TRIM16: variants seen among roughly 807,000 people sequenced by gnomAD.
The protein encoded by TRIM16 is tripartite motif containing 16, also known as tripartite motif-containing protein 16.
Under a neutral mutation model 50.4 loss-of-function variants are expected in TRIM16, and 33 were observed. The observed-to-expected ratio is 0.65, with a 90% confidence interval of 0.50 to 0.88. The LOEUF is 0.88. Ranked by LOEUF, TRIM16 falls within the 40% of genes least tolerant of loss-of-function variation. The probability of loss-of-function intolerance (pLI) is 0.00; values close to 1 mark genes in which losing one functional copy is unlikely to be tolerated. For missense variants in TRIM16, 581 were observed against 686.8 expected, an observed-to-expected ratio of 0.85 and a Z score of 1.72; for synonymous variants, 229 against 270.7, an observed-to-expected ratio of 0.85 and a Z score of 1.51.
intron 7 of TRIM16, among the ~76,000 whole-genome samples, chr17:15,645,324 T>C (rs1185619231): frequency 6.6e-6 from 1 of 152,158 alleles, no homozygotes; most frequent in Non-Finnish European, 1.5e-5. Flanking sequence ...TCATTATTAC[T>C]CCTGCTACCA....
At chr17:15,671,521 T>C (rs1988730573) in intron 6 of TRIM16, among the ~76,000 whole-genome samples, 3 of 151,548 alleles carry the variant, frequency 2.0e-5, no homozygotes, top group African/African-American at 4.8e-5. Flanking sequence ...TGGCAAAACA[T>C]ACCCAGCAGT....
chr17:15,664,426 G>A (rs1464840479), intron 6 of TRIM16, among the ~76,000 whole-genome samples: 1 of 152,220 alleles, frequency 6.6e-6, no homozygotes, highest in Admixed American at 6.5e-5. Flanking sequence ...AAGCCAGTGG[G>A]CATGGTGGCT....
chr17:15,676,080 A>G (rs989674548), intron 6 of TRIM16, among the ~76,000 whole-genome samples: 47 of 152,202 alleles, frequency 3.1e-4, no homozygotes, highest in African/African-American at 1.0e-3. Flanking sequence ...GCCTCCAGAC[A>G]TTACCACTTA....
chr17:15,679,288 G>A (rs1411219984), intron 4 of TRIM16, among the ~76,000 whole-genome samples: 1 of 152,184 alleles, frequency 6.6e-6, no homozygotes, highest in African/African-American at 2.4e-5. Flanking sequence ...GCACCAGAAC[G>A]CTCTTTGTGT....
At chr17:15,662,198 C>T (rs1462190406) in intron 6 of TRIM16, among the ~76,000 whole-genome samples, 1 of 152,166 alleles carries the variant, frequency 6.6e-6, no homozygotes, top group Admixed American at 6.5e-5. Flanking sequence ...GTTTCCTTGG[C>T]TCTTAAAAGA....
chr17:15,633,880 G>A (rs72819873), intron 9 of TRIM16, among the ~76,000 whole-genome samples: 8,966 of 95,768 alleles, frequency 0.094, 102 homozygotes, highest in Non-Finnish European at 0.11. Context: ...TTTTATATGT[G>A]TTAAAGTCTT....
chr17:15,628,974 A>C lies in TRIM16; in HGVS notation c.1336T>G (p.Cys446Gly). Residue 446 changes from cysteine (C) to glycine (G), a missense_variant, in exon 12 of 12, where the codon TGC becomes GGC. Transcript: ENST00000649191. ...TCCCCTTTCCGGTCGATGCCTTTGC[A>C]GGTCAGGCCAACATAGGTGCCTGCC... ...FGAGTYVGLT[C>G]KGIDRKGEER... 1 of 1,614,134 alleles carries C rather than the reference A, an allele frequency of 6.2e-7. No individual in the cohort carries two copies. The highest frequency in any genetic ancestry group is 8.5e-7 in the Non-Finnish European group (1 of 1,180,004).
In TRIM16 at chr17:15,683,064, C is replaced by G; in HGVS notation, c.-805G>C. 1 of 1,550,594 alleles carries G rather than the reference C, an allele frequency of 6.4e-7. No homozygotes were observed. The highest frequency in any genetic ancestry group is 8.7e-7 in the Non-Finnish European group (1 of 1,147,004). On this transcript the variant is annotated 5_prime_UTR_variant, in exon 2 of 12. Transcript: ENST00000649191. ...TGTTCTGGAGTTTGCAGGTCCAATC[C>G]TCCATAATCATAGCCTTTGCTTCAC... is the stretch of plus-strand genomic sequence containing the variant.
At position 15,651,275 on chromosome 17, in the gene TRIM16, A is replaced by C. The variant is rs751497068; in HGVS notation, c.335T>G (p.Ile112Ser). 1.2e-6 allele frequency: 2 copies of C among 1,614,198 alleles called. No individual in the cohort carries two copies. The highest frequency in any genetic ancestry group is 1.1e-5 in the South Asian group (1 of 91,082). The part of the protein sequence containing the change: ...EEHLQPHQVN[I>S]KLQSHLLTEP... ...GGTCAGCAGGTGGCTTTGCAGTTTG[A>C]TGTTCACCTGATGCGGCTGCAAGTG... Residue 112 changes from isoleucine to serine, a missense_variant, in exon 7 of 12, where the codon ATC becomes AGC. By Grantham distance (142) the Ile-to-Ser change is moderately radical. Transcript: ENST00000649191.
intron 6 of TRIM16, among the ~76,000 whole-genome samples, chr17:15,667,642 T>C (rs1330337747): frequency 1.3e-5 from 2 of 152,218 alleles, no homozygotes; most frequent in Non-Finnish European, 1.5e-5. Context: ...TGCTTCTTCA[T>C]CTAAGAATTC....
In TRIM16 at chr17:15,651,801, C is replaced by T. The variant is rs887273791; in HGVS notation, c.-192G>A. 1.1e-5 allele frequency: 16 copies of T among 1,461,052 alleles called. No homozygotes were observed. The highest frequency in any genetic ancestry group is 9.8e-5 in the Admixed American group (4 of 40,912). 90.5% of individuals were successfully genotyped at this position (1,461,052 alleles called of 1,614,324 possible). A position where few individuals can be genotyped will look rare whatever the true frequency, so the allele number is the denominator to read the frequency against. ...GCTGGATGGCAGCCAGATGCGATGA[C>T]GACAAGGCAGCTAGAGTACTCAGGC... On this transcript the variant is annotated 5_prime_UTR_variant, in exon 7 of 12. Transcript: ENST00000649191.
At position 15,628,367 on chromosome 17, in the gene TRIM16, C is replaced by T; in HGVS notation, c.*248G>A. ...GAGCTTGCAGTGAGCCAAGATCGCGCCACTGCTCTCCAGCCTGGGCAACAG... is the reference window on the plus strand; with the variant it reads ...GAGCTTGCAGTGAGCCAAGATCGCGTCACTGCTCTCCAGCCTGGGCAACAG... On this transcript the variant is annotated 3_prime_UTR_variant, in exon 12 of 12. Coordinates refer to ENST00000649191, the MANE Select transcript of TRIM16 (RefSeq NM_001348119.1). The T allele has an allele frequency of 2.5e-6, 1 of 402,542 alleles. No homozygotes were observed. Among genetic ancestry groups the T allele is most frequent in the Non-Finnish European group, 4.3e-6 (1 of 232,024 alleles). 24.9% of individuals were successfully genotyped at this position (402,542 alleles called of 1,614,324 possible). A position where few individuals can be genotyped will look rare whatever the true frequency, so the allele number is the denominator to read the frequency against.
At chr17:15,653,505 G>A (rs934805392) in intron 6 of TRIM16, among the ~76,000 whole-genome samples, 6 of 152,182 alleles carry the variant, frequency 3.9e-5, no homozygotes, top group African/African-American at 1.4e-4. Flanking sequence ...CACTGGCAGG[G>A]ATGCTTTCTT....
intron 8 of TRIM16, among the ~76,000 whole-genome samples, chr17:15,641,884 C>T (rs1395755428): frequency 6.7e-6 from 1 of 148,424 alleles, no homozygotes; most frequent in Non-Finnish European, 1.5e-5. Flanking sequence ...ACTCTGTTAC[C>T]CAGGCTGGAG....
chr17:15,629,197 A>T lies in TRIM16; in HGVS notation c.1113T>A (p.Tyr371Ter), dbSNP rs1465429638. 30 of 1,599,008 alleles carry T rather than the reference A, an allele frequency of 1.9e-5. No homozygotes were observed. Among genetic ancestry groups the T allele is most frequent in the Non-Finnish European group, 2.5e-5 (29 of 1,170,110 alleles). Residue 371 changes from tyrosine to a stop codon, truncating the protein, a stop_gained and splice_region_variant, in exon 12 of 12, where the codon TAT (tyrosine) becomes TAA (stop). Coordinates refer to ENST00000649191, the MANE Select transcript of TRIM16 (RefSeq NM_001348119.1). LOFTEE classifies it high-confidence loss of function. ...EPSTREQFLQ[Y>*]AYDITFDPDT... The stretch of plus-strand genomic sequence containing the variant: ...CCGGGTCAAACGTGATGTCATACGC[A>T]TCTGAGGAGACACAGAAGGCAGGAG...
At position 15,644,062 on chromosome 17, in the gene TRIM16, C is replaced by T. The variant is rs1987237749; in HGVS notation, c.520-1246G>A. On this transcript the variant is annotated intron_variant, in intron 7 of 11. Coordinates refer to ENST00000649191, the MANE Select transcript of TRIM16 (RefSeq NM_001348119.1). ...CCTACTTGGAGATGGAAGAGATGCA[C>T]GGGGCAAGGGATGTGGGAGGGAAGT... 5.3e-5 allele frequency among the ~76,000 whole-genome samples: 8 copies of T among 152,270 alleles called. No individual in the cohort carries two copies. In the South Asian group the frequency reaches 1.7e-3, roughly 32 times the overall value.
Position 15,629,114 on chromosome 17 carries a change from G to A in TRIM16, c.1196C>T (p.Thr399Met), listed in dbSNP as rs141258410. Residue 399 changes from threonine (T) to methionine (M), a missense_variant, in exon 12 of 12, where the codon ACG (threonine) becomes ATG (methionine). By Grantham distance (81) the Thr-to-Met change is moderately conservative. Transcript: ENST00000649191. Reference sequence around the variant, plus strand: ...GTCCGGGTAGGGATGCTCCCAGGGCGTGGTGTTGGTGACCTTGCGGTTCTC... The same window carrying A: ...GTCCGGGTAGGGATGCTCCCAGGGCATGGTGTTGGTGACCTTGCGGTTCTC... Reference protein sequence around the residue: ...QEENRKVTNTTPWEHPYPDLP... With the variant: ...QEENRKVTNTMPWEHPYPDLP... 7 of 1,613,484 alleles carry A rather than the reference G, an allele frequency of 4.3e-6. No individual in the cohort carries two copies. Among genetic ancestry groups the A allele is most frequent in the East Asian group, 4.5e-5 (2 of 44,876 alleles).
chr17:15,679,032 C>G (rs561543166), intron 4 of TRIM16, among the ~76,000 whole-genome samples: 1 of 152,094 alleles, frequency 6.6e-6, no homozygotes, highest in African/African-American at 2.4e-5. Context: ...TGAGCCACCA[C>G]GCCCAGCTAC....
intron 8 of TRIM16, among the ~76,000 whole-genome samples, chr17:15,637,115 TGGG>T (rs570385958): frequency 8.9e-5 from 6 of 67,446 alleles, no homozygotes; most frequent in East Asian, 6.7e-4. Context: ...GGGAGGGAGG[TGGG>T]GGGGGGGGGT....
Sources: gnomAD v4.1 joint callset for allele counts (sites outside exome capture counted in the v4.1 genomes callset) on GRCh38, gnomAD v4.1.1 for gene constraint, MANE v1.5 for transcripts, NCBI Gene and HGNC (gene_info 2026-07-23, HGNC 2026-07-21) for gene names.